PLPPR2: variants seen among roughly 807,000 people sequenced by gnomAD.
PLPPR2 encodes phospholipid phosphatase related 2.
In PLPPR2, 11 loss-of-function variants were observed where a neutral mutation model predicts 40.3. That is an observed-to-expected ratio of 0.27 (90% CI 0.17 to 0.45). The LOEUF (loss-of-function observed/expected upper bound fraction) is 0.45, where lower values mean the gene tolerates loss of function less well. Ranked by LOEUF, PLPPR2 falls within the 20% of genes least tolerant of loss-of-function variation. PLPPR2 has a pLI of 1.00. For missense variants in PLPPR2, 497 were observed against 640.7 expected, an observed-to-expected ratio of 0.78 and a Z score of 2.42; for synonymous variants, 260 against 290.8, an observed-to-expected ratio of 0.89 and a Z score of 1.08.
rs1004193585 is a variant in PLPPR2, at chr19:11,361,612, C to G, written c.663+124C>G. The G allele has an allele frequency of 1.1e-5, 14 of 1,317,754 alleles. No individual in the cohort carries two copies. Among genetic ancestry groups the G allele is most frequent in the Non-Finnish European group, 5.1e-6 (5 of 982,932 alleles). 81.6% of individuals were successfully genotyped at this position (1,317,754 alleles called of 1,614,324 possible). A position where few individuals can be genotyped will look rare whatever the true frequency, so the allele number is the denominator to read the frequency against. Reference sequence around the variant, plus strand: ...CCCCGGGTGCTGTTGGAAGCTCTCGCTCCACGCCCCGACCTGTTGGAAGCT... The same window carrying G: ...CCCCGGGTGCTGTTGGAAGCTCTCGGTCCACGCCCCGACCTGTTGGAAGCT... On this transcript the variant is annotated intron_variant, in intron 6 of 9. Transcript: ENST00000688289. The surrounding 1 kb of genome is among the most constrained non-coding windows in gnomAD (Gnocchi z 6.3).
chr19:11,355,801 T>A (rs1967850335), intron 1 of PLPPR2, among the ~76,000 whole-genome samples: 1 of 152,040 alleles, frequency 6.6e-6, no homozygotes, highest in Non-Finnish European at 1.5e-5. Flanking sequence ...TGTGTGGTTG[T>A]CATTGTGTGT....
rs1237687299 is a variant in PLPPR2, at chr19:11,359,630, C to T, written c.165C>T (p.Thr55=). Reference sequence around the variant, plus strand: ...AGGGATTCTTCTGCTATGACAGTACCTACGCCAAGCCCTACCCAGGGCCTG... The same window carrying T: ...AGGGATTCTTCTGCTATGACAGTACTTACGCCAAGCCCTACCCAGGGCCTG... The part of the protein sequence containing the change: ...HTQGFFCYDS[T]YAKPYPGPEA... The change falls in exon 4 of 10, where the codon ACC becomes ACT. Residue 55 remains threonine (T), a synonymous_variant. Transcript: ENST00000688289. The surrounding 1 kb of genome is among the most constrained non-coding windows in gnomAD (Gnocchi z 5.6). 3 of 1,613,222 alleles carry T rather than the reference C, an allele frequency of 1.9e-6. No homozygotes were observed. The highest frequency in any genetic ancestry group is 2.5e-6 in the Non-Finnish European group (3 of 1,179,570).
intron 3 of PLPPR2, among the ~76,000 whole-genome samples, chr19:11,358,029 CTGTGTGTGTGTGTGTGTG>C (rs751126799): frequency 1.8e-4 from 27 of 149,566 alleles, no homozygotes; most frequent in African/African-American, 6.2e-4. Context: ...GGGCTGTTCT[CTGTGTGTGTGTGTGTGTG>C]TGTGTGTGTG....
At position 11,362,206 on chromosome 19, in the gene PLPPR2, C is replaced by T. The variant is rs1968066214; in HGVS notation, c.664-307C>T. 6.6e-6 allele frequency among the ~76,000 whole-genome samples: 1 copy of T among 152,176 alleles called. No homozygotes were observed. The highest frequency in any genetic ancestry group is 2.4e-5 in the African/African-American group (1 of 41,422). On this transcript the variant is annotated intron_variant, in intron 6 of 9. Coordinates refer to ENST00000688289, the MANE Select transcript of PLPPR2 (RefSeq NM_001393892.1). The surrounding 1 kb of genome is among the most constrained non-coding windows in gnomAD (Gnocchi z 5.3). ...TCCAGTAAGTGTCTGTCCCCATCTG[C>T]GACTCCGGACCAGGGACACCTGGGC... is the stretch of plus-strand genomic sequence containing the variant.
chr19:11,363,756 G>A lies in PLPPR2; in HGVS notation c.884G>A (p.Gly295Asp). The change falls in exon 8 of 10, where the codon GGC becomes GAC. Residue 295 changes from glycine to aspartate, a missense_variant. By Grantham distance (94) the Gly-to-Asp change is moderately conservative. Transcript: ENST00000688289. The surrounding 1 kb of genome is among the most constrained non-coding windows in gnomAD (Gnocchi z 4.8). ...VHNFQSRPPS[G>D]RRLSPWEDLG... ...AACTTTCAGAGCCGGCCACCCTCTG[G>A]CCGAAGGCTCTCTCCCTGGGAGGAC... 6.2e-7 allele frequency: 1 copy of A among 1,614,170 alleles called. No homozygotes were observed.
chr19:11,356,256 G>T (rs997033349), intron 1 of PLPPR2, among the ~76,000 whole-genome samples: 1 of 151,870 alleles, frequency 6.6e-6, no homozygotes, highest in East Asian at 1.9e-4. Context: ...TGTGGCTGTC[G>T]CTGAGTGCCT....
At position 11,362,704 on chromosome 19, in the gene PLPPR2, CA is replaced by C. The variant is rs1286530112; in HGVS notation, c.840+17del. ...CCACCTTTTTGGTGAGTTGCCTCCTCAACCTTCCCAGCATGGAAGACCCTCA... is the reference window on the plus strand; with the variant it reads ...CCACCTTTTTGGTGAGTTGCCTCCTCACCTTCCCAGCATGGAAGACCCTCA... On this transcript the variant is annotated intron_variant, in intron 7 of 9. Coordinates refer to ENST00000688289, the MANE Select transcript of PLPPR2 (RefSeq NM_001393892.1). This position sits in a 1 kb window ranked among gnomAD's most constrained non-coding sequence, Gnocchi z 5.3. 1.2e-6 allele frequency: 2 copies of C among 1,605,960 alleles called. No homozygotes were observed. The highest frequency in any genetic ancestry group is 1.7e-6 in the Non-Finnish European group (2 of 1,175,304).
chr19:11,360,282 G>A (rs1179519811), intron 5 of PLPPR2, among the ~76,000 whole-genome samples: 8 of 142,604 alleles, frequency 5.6e-5, no homozygotes, highest in African/African-American at 1.6e-4. Flanking sequence ...GCAAAACTCC[G>A]TCTCAAAAAA....
Position 11,359,148 on chromosome 19 carries a change from C to A in PLPPR2, c.67-384C>A, listed in dbSNP as rs1967974902. ...TGCAGCCTTAATCCTCTGGGTGAAG[C>A]AATCTTCCTTCCTCAGCCTCCCAAG... On this transcript the variant is annotated intron_variant, in intron 3 of 9. Transcript: ENST00000688289. This position sits in a 1 kb window ranked among gnomAD's most constrained non-coding sequence, Gnocchi z 5.6. 1.3e-5 allele frequency among the ~76,000 whole-genome samples: 2 copies of A among 151,886 alleles called. No individual in the cohort carries two copies. The highest frequency in any genetic ancestry group is 4.8e-5 in the African/African-American group (2 of 41,320).
At position 11,361,577 on chromosome 19, in the gene PLPPR2, C is replaced by T. The variant is rs1383934309; in HGVS notation, c.663+89C>T. 1 of 1,498,272 alleles carries T rather than the reference C, an allele frequency of 6.7e-7. No homozygotes were observed. Among genetic ancestry groups the T allele is most frequent in the Non-Finnish European group, 8.9e-7 (1 of 1,122,044 alleles). The allele number at this position is 1,498,272 out of a possible 1,614,324, so 92.8% of individuals were successfully genotyped here. ...GAAGCCGCCAGGGTTGGAGCCTCTG[C>T]TCTTCCACGCCCCGGGTGCTGTTGG... On this transcript the variant is annotated intron_variant, in intron 6 of 9. Coordinates refer to ENST00000688289, the MANE Select transcript of PLPPR2 (RefSeq NM_001393892.1). This position sits in a 1 kb window ranked among gnomAD's most constrained non-coding sequence, Gnocchi z 6.3.
In PLPPR2 at chr19:11,364,439, C is replaced by A; in HGVS notation, c.1108C>A (p.Pro370Thr). 1 of 1,520,566 alleles carries A rather than the reference C, an allele frequency of 6.6e-7. No individual in the cohort carries two copies. The allele number at this position is 1,520,566 out of a possible 1,614,324, so 94.2% of individuals were successfully genotyped here. A position where few individuals can be genotyped will look rare whatever the true frequency, so the allele number is the denominator to read the frequency against. The change falls in exon 10 of 10, where the codon CCT becomes ACT. Residue 370 changes from proline (P) to threonine (T), a missense_variant. Physicochemically the swap from Pro to Thr is conservative, Grantham distance 38 (BLOSUM62 -1). Coordinates refer to ENST00000688289, the MANE Select transcript of PLPPR2 (RefSeq NM_001393892.1). The surrounding 1 kb of genome is among the most constrained non-coding windows in gnomAD (Gnocchi z 5.8). The part of the protein sequence containing the change: ...AMCSSPRVPR[P>T]RLRSEPTPLP... ...GTGTTCGTCGCCCCGTGTGCCCCGTCCTCGATTGAGGTCTGAGCCGACGCC... is the reference window on the plus strand; with the variant it reads ...GTGTTCGTCGCCCCGTGTGCCCCGTACTCGATTGAGGTCTGAGCCGACGCC...
Position 11,357,751 on chromosome 19 carries a change from C to T in PLPPR2, c.66+12C>T, listed in dbSNP as rs778198082. ...TTGTCTTCGTGGAGGTGAGGACCCC[C>T]GTACCTCTCCCAGAGACGGCGTGCC... is the stretch of plus-strand genomic sequence containing the variant. On this transcript the variant is annotated intron_variant, in intron 3 of 9. Coordinates refer to ENST00000688289, the MANE Select transcript of PLPPR2 (RefSeq NM_001393892.1). 3.1e-6 allele frequency: 5 copies of T among 1,593,688 alleles called. No homozygotes were observed. The highest frequency in any genetic ancestry group is 1.1e-5 in the South Asian group (1 of 87,996).
chr19:11,362,651 G>T lies in PLPPR2; in HGVS notation c.802G>T (p.Ala268Ser), dbSNP rs1394139049. 1 of 1,613,516 alleles carries T rather than the reference G, an allele frequency of 6.2e-7. No individual in the cohort carries two copies. The highest frequency in any genetic ancestry group is 2.2e-5 in the East Asian group (1 of 44,888). The change falls in exon 7 of 10, where the codon GCT becomes TCT. Residue 268 changes from alanine to serine, a missense_variant. Coordinates refer to ENST00000688289, the MANE Select transcript of PLPPR2 (RefSeq NM_001393892.1). The surrounding 1 kb of genome is among the most constrained non-coding windows in gnomAD (Gnocchi z 5.3). ...CCGAAACCACTGGTCGGACGTGCTG[G>T]CTGGCTTCCTGACAGGGGCGGCCAT... The part of the protein sequence containing the change: ...EYRNHWSDVL[A>S]GFLTGAAIAT...
At position 11,362,513 on chromosome 19, in the gene PLPPR2, A is replaced by C; in HGVS notation, c.664A>C (p.Met222Leu). The C allele has an allele frequency of 6.2e-7, 1 of 1,609,656 alleles. No homozygotes were observed. Among genetic ancestry groups the C allele is most frequent in the Non-Finnish European group, 8.5e-7 (1 of 1,179,936 alleles). ...CCCTGACCAGTCCGGCTCCCCGCAG[A>C]TGTACGTGACTCTCGTGTTCCGCGT... ...LCAYAVTYTA[M>L]YVTLVFRVKG... The change falls in exon 7 of 10, where the codon ATG becomes CTG. Residue 222 changes from methionine (M) to leucine (L), a missense_variant and splice_region_variant. Physicochemically the swap from Met to Leu is conservative, Grantham distance 15 (BLOSUM62 2). Transcript: ENST00000688289. This position sits in a 1 kb window ranked among gnomAD's most constrained non-coding sequence, Gnocchi z 5.3.
At position 11,364,046 on chromosome 19, in the gene PLPPR2, C is replaced by T. The variant is rs1162626184; in HGVS notation, c.964-115C>T. ...TTCTTCCCAGGGGGACACGGTTAAT[C>T]ATGAGAACTGTGGTTGTCTTTTCCA... On this transcript the variant is annotated intron_variant, in intron 8 of 9. Transcript: ENST00000688289. This position sits in a 1 kb window ranked among gnomAD's most constrained non-coding sequence, Gnocchi z 5.8. The T allele has an allele frequency of 2.8e-6, 4 of 1,423,884 alleles. No homozygotes were observed. Among genetic ancestry groups the T allele is most frequent in the Non-Finnish European group, 3.8e-6 (4 of 1,046,270 alleles). 88.2% of individuals were successfully genotyped at this position (1,423,884 alleles called of 1,614,324 possible).
In PLPPR2 at chr19:11,359,353, C is replaced by T. The variant is rs1270240533; in HGVS notation, c.67-179C>T. On this transcript the variant is annotated intron_variant, in intron 3 of 9. Transcript: ENST00000688289. The surrounding 1 kb of genome is among the most constrained non-coding windows in gnomAD (Gnocchi z 5.6). ...CTCCTAAGCCCTGACCCTTCTCTCA[C>T]CTCCTTTCCCCATTTCTCTCAGTCT... The T allele has an allele frequency of 3.8e-6, 2 of 525,744 alleles. No individual in the cohort carries two copies. 32.6% of individuals were successfully genotyped at this position (525,744 alleles called of 1,614,324 possible). A position where few individuals can be genotyped will look rare whatever the true frequency, so the allele number is the denominator to read the frequency against.
chr19:11,364,049 G>C lies in PLPPR2; in HGVS notation c.964-112G>C. 1.4e-6 allele frequency: 2 copies of C among 1,433,520 alleles called. No individual in the cohort carries two copies. The highest frequency in any genetic ancestry group is 2.8e-5 in the African/African-American group (2 of 70,202). 88.8% of individuals were successfully genotyped at this position (1,433,520 alleles called of 1,614,324 possible). A position where few individuals can be genotyped will look rare whatever the true frequency, so the allele number is the denominator to read the frequency against. ...TTCCCAGGGGGACACGGTTAATCATGAGAACTGTGGTTGTCTTTTCCATGG... is the reference window on the plus strand; with the variant it reads ...TTCCCAGGGGGACACGGTTAATCATCAGAACTGTGGTTGTCTTTTCCATGG... On this transcript the variant is annotated intron_variant, in intron 8 of 9. Transcript: ENST00000688289. The surrounding 1 kb of genome is among the most constrained non-coding windows in gnomAD (Gnocchi z 5.8).
In PLPPR2 at chr19:11,359,959, G is replaced by A; in HGVS notation, c.391+3G>A. ...GCGGAGGCTGGTCCGCTTCCTGGGTGAGAGACATGGCCTGGGGTCAGCCCC... is the reference window on the plus strand; with the variant it reads ...GCGGAGGCTGGTCCGCTTCCTGGGTAAGAGACATGGCCTGGGGTCAGCCCC... On this transcript the variant is annotated splice_donor_region_variant and intron_variant, in intron 5 of 9. Transcript: ENST00000688289. The surrounding 1 kb of genome is among the most constrained non-coding windows in gnomAD (Gnocchi z 5.6). 1.9e-6 allele frequency: 3 copies of A among 1,599,988 alleles called. No individual in the cohort carries two copies. Among genetic ancestry groups the A allele is most frequent in the Non-Finnish European group, 2.6e-6 (3 of 1,172,408 alleles).
Position 11,361,190 on chromosome 19 carries a change from GA to G in PLPPR2, c.392-25del, listed in dbSNP as rs748704114. The G allele has an allele frequency of 2.5e-6, 4 of 1,577,524 alleles. No homozygotes were observed. The highest frequency in any genetic ancestry group is 1.7e-4 in the Middle Eastern group (1 of 5,950). ...GTGGGAGCATCAGGGCCTGGCGCAT[GA>G]ACCCCTTCCACTATCCCACCCCTAG... On this transcript the variant is annotated intron_variant, in intron 5 of 9. Coordinates refer to ENST00000688289, the MANE Select transcript of PLPPR2 (RefSeq NM_001393892.1). The surrounding 1 kb of genome is among the most constrained non-coding windows in gnomAD (Gnocchi z 6.3).
Sources: allele counts gnomAD v4.1 joint callset (sites outside exome capture counted in the v4.1 genomes callset), GRCh38; gene constraint gnomAD v4.1.1; non-coding constraint Gnocchi (gnomAD v3.1); transcripts MANE v1.5; gene names NCBI Gene and HGNC (gene_info 2026-07-23, HGNC 2026-07-21).